The following KCNQ3 variants were observed in gnomAD, a reference collection of about 807,000 sequenced individuals.
KCNQ3 encodes the protein potassium voltage-gated channel subfamily KQT member 3.
A neutral mutation model predicts 92.5 loss-of-function variants in KCNQ3; 30 were observed. The ratio of observed to expected loss-of-function variants is 0.32; its 90% confidence interval spans 0.24 to 0.44. The LOEUF (loss-of-function observed/expected upper bound fraction) is 0.44. KCNQ3 is among the 20% of genes least tolerant of loss of function. The probability of loss-of-function intolerance (pLI) is 1.00; values close to 1 mark genes in which losing one functional copy is unlikely to be tolerated. For missense variants in KCNQ3, 913 were observed against 1,140.3 expected, an observed-to-expected ratio of 0.80 and a Z score of 2.87; for synonymous variants, 450 against 468.8, an observed-to-expected ratio of 0.96 and a Z score of 0.52.
intron 1 of KCNQ3, among the ~76,000 whole-genome samples, chr8:132,430,293 G>A (rs926494827): frequency 9.2e-5 from 14 of 152,162 alleles, no homozygotes; most frequent in African/African-American, 2.4e-4. Flanking sequence ...GTGAAGAAAA[G>A]ATAAAAATGG....
chr8:132,465,708 C>T (rs1822156389), intron 1 of KCNQ3, among the ~76,000 whole-genome samples: 1 of 152,090 alleles, frequency 6.6e-6, no homozygotes. Flanking sequence ...TGCACCACTG[C>T]ACTCCAGCCT....
intron 1 of KCNQ3, among the ~76,000 whole-genome samples, chr8:132,383,110 T>C (rs892309938): frequency 6.6e-6 from 1 of 152,002 alleles, no homozygotes; most frequent in Non-Finnish European, 1.5e-5. Flanking sequence ...CAGCTGAAAA[T>C]GCCCCACACC....
chr8:132,191,591 A>ATG (rs202106374), intron 1 of KCNQ3, among the ~76,000 whole-genome samples: 12 of 73,024 alleles, frequency 1.6e-4, no homozygotes, highest in South Asian at 3.4e-4. Flanking sequence ...AAAGATGGAT[A>ATG]TGTGTGTGTA....
intron 1 of KCNQ3, among the ~76,000 whole-genome samples, chr8:132,392,554 C>T (rs7000365): frequency 0.028 from 4,233 of 152,124 alleles, 76 homozygotes; most frequent in Non-Finnish European, 0.045. Flanking sequence ...ATTCAAACCT[C>T]ACCTTTCCAT....
intron 1 of KCNQ3, among the ~76,000 whole-genome samples, chr8:132,344,547 C>T (rs1818623922): frequency 6.6e-6 from 1 of 152,184 alleles, no homozygotes; most frequent in Non-Finnish European, 1.5e-5. Flanking sequence ...ATGATCTCCA[C>T]TGTGCAGATG....
At chr8:132,292,671 C>G (rs747869954) in intron 1 of KCNQ3, among the ~76,000 whole-genome samples, 1 of 152,140 alleles carries the variant, frequency 6.6e-6, no homozygotes, top group African/African-American at 2.4e-5. Flanking sequence ...CAAGGGCACT[C>G]GTGTGGTGTT....
At chr8:132,347,977 TAAAAAAA>T (rs5895138) in intron 1 of KCNQ3, among the ~76,000 whole-genome samples, 6 of 78,110 alleles carry the variant, frequency 7.7e-5, no homozygotes, top group African/African-American at 2.4e-4. Flanking sequence ...AGACTCCATC[TAAAAAAA>T]AAAAAAAAAA....
rs73710538 is a variant in KCNQ3 at position 132,324,446 on chromosome 8, G to A, written c.387-138265C>T. Among the ~76,000 whole-genome samples, 1,327 of 152,160 alleles carry A rather than the reference G, an allele frequency of 8.7e-3. 21 individuals carry two copies. Among genetic ancestry groups the A allele is most frequent in the African/African-American group, 0.031 (1,271 of 41,486 alleles). On this transcript the variant is annotated intron_variant, in intron 1 of 14. Transcript: ENST00000388996. ...GAAATGTGTGAATAAACAAATGGGCGAATGCAGACACAGTCATTATCCCCA... is the reference window on the plus strand; with the variant it reads ...GAAATGTGTGAATAAACAAATGGGCAAATGCAGACACAGTCATTATCCCCA...
chr8:132,281,535 T>A (rs1816515293), intron 1 of KCNQ3, among the ~76,000 whole-genome samples: 1 of 110,126 alleles, frequency 9.1e-6, no homozygotes, highest in African/African-American at 3.2e-5. Context: ...TGTGTGTGTG[T>A]GTATATGTGT....
At chr8:132,374,847 A>G (rs572297278) in intron 1 of KCNQ3, among the ~76,000 whole-genome samples, 140 of 152,126 alleles carry the variant, frequency 9.2e-4, no homozygotes, top group African/African-American at 3.1e-3. Context: ...TTCCTGCAAA[A>G]GACATGATCT....
At chr8:132,384,690 T>C (rs917170282) in intron 1 of KCNQ3, among the ~76,000 whole-genome samples, 2 of 152,178 alleles carry the variant, frequency 1.3e-5, no homozygotes, top group Non-Finnish European at 2.9e-5. Flanking sequence ...TAAAAGTAAC[T>C]GCCAGGAAAA....
At chr8:132,168,333 T>C (rs1826200273) in intron 8 of KCNQ3, among the ~76,000 whole-genome samples, 4 of 152,264 alleles carry the variant, frequency 2.6e-5, no homozygotes, top group African/African-American at 7.2e-5. Context: ...TGTCATTCTC[T>C]GGCTCATCTA....
chr8:132,451,706 CAG>C (rs1258733733), intron 1 of KCNQ3, among the ~76,000 whole-genome samples: 17 of 152,340 alleles, frequency 1.1e-4, no homozygotes, highest in Middle Eastern at 3.4e-3. Flanking sequence ...ATGAGTTTTG[CAG>C]AGAGTCACAG....
At position 132,480,351 on chromosome 8, in the gene KCNQ3, G is replaced by T. The variant is rs768194589; in HGVS notation, c.182C>A (p.Ala61Asp). The T allele has an allele frequency of 1.3e-5, 21 of 1,592,976 alleles. No individual in the cohort carries two copies. The South Asian group carries it at 2.2e-4, about 17-fold the overall frequency. Residue 61 changes from alanine (A) to aspartate (D), a missense_variant, in exon 1 of 15, where the codon GCC becomes GAC. This residue lies in a region of KCNQ3 where 183 missense variants were observed against 167.7 expected (regional missense o/e 1.09). Transcript: ENST00000388996. Reference sequence around the variant, plus strand: ...CAGCAGCAGGGTCCCGTCTTTGTCGGCTCCGGCCCCGAGCGCCAAGGTGAC... The same window carrying T: ...CAGCAGCAGGGTCCCGTCTTTGTCGTCTCCGGCCCCGAGCGCCAAGGTGAC... ...EQVTLALGAG[A>D]DKDGTLLLEG...
intron 9 of KCNQ3, among the ~76,000 whole-genome samples, chr8:132,142,508 T>G (rs1230978000): frequency 1.3e-5 from 2 of 152,150 alleles, no homozygotes; most frequent in Non-Finnish European, 2.9e-5. Context: ...TTTCTCAGCT[T>G]TTGCCCCCTT....
intron 1 of KCNQ3, among the ~76,000 whole-genome samples, chr8:132,370,207 G>C (rs780879953): frequency 6.6e-6 from 1 of 152,148 alleles, no homozygotes; most frequent in Non-Finnish European, 1.5e-5. Flanking sequence ...AATATCCACT[G>C]AATGCCTGCA....
intron 1 of KCNQ3, among the ~76,000 whole-genome samples, chr8:132,394,931 G>A (rs796449120): frequency 2.0e-5 from 3 of 152,276 alleles, no homozygotes; most frequent in African/African-American, 4.8e-5. Context: ...CTCCAGCTGC[G>A]TCGGATGTGG....
rs1052722612 is a variant in KCNQ3, at chr8:132,127,231, T to G, written c.*2031A>C. ...ATGGAAGCCCGTGGGGCTTCATGTC[T>G]GATGCATTGAGCATTCTGGTATATT... is the stretch of plus-strand genomic sequence containing the variant. On this transcript the variant is annotated 3_prime_UTR_variant, in exon 15 of 15. Transcript: ENST00000388996. 1.3e-5 allele frequency: 2 copies of G among 152,252 alleles called. No homozygotes were observed. Among genetic ancestry groups the G allele is most frequent in the Admixed American group, 1.3e-4 (2 of 15,290 alleles). The allele number at this position is 152,252 out of a possible 1,614,324, so 9.4% of individuals were successfully genotyped here. A position where few individuals can be genotyped will look rare whatever the true frequency, so the allele number is the denominator to read the frequency against.
chr8:132,327,044 A>G (rs1818076085), intron 1 of KCNQ3, among the ~76,000 whole-genome samples: 1 of 152,202 alleles, frequency 6.6e-6, no homozygotes, highest in South Asian at 2.1e-4. Context: ...TACCAAGACA[A>G]AGGAAGCTTG....
Sources: gnomAD v4.1 joint callset for allele counts (sites outside exome capture counted in the v4.1 genomes callset) on GRCh38, gnomAD v4.1.1 for gene constraint, gnomAD v4.1.1 regional missense constraint, MANE v1.5 for transcripts, NCBI Gene and HGNC (gene_info 2026-07-23, HGNC 2026-07-21) for gene names.